Variants in ZNF33A observed in about 807,000 individuals in gnomAD.
The protein encoded by ZNF33A is brain my041 protein.
In ZNF33A, 9 loss-of-function variants were observed where a neutral mutation model predicts 15.9. That is an observed-to-expected ratio of 0.57 (90% CI 0.34 to 0.99). The LOEUF is 0.99. Ranked by LOEUF, ZNF33A falls within the 50% of genes least tolerant of loss-of-function variation. ZNF33A has a pLI of 0.02. For missense variants in ZNF33A, 843 were observed against 941.6 expected (o/e 0.90, Z 1.37); for synonymous variants, 294 against 324.2 (o/e 0.91, Z 1.00).
At position 38,055,468 on chromosome 10, in the gene ZNF33A, ATCC is replaced by A. The variant is rs1389182710; in HGVS notation, c.1346_1348del (p.Ser449del). 6.2e-7 allele frequency: 1 copy of A among 1,614,044 alleles called. No individual in the cohort carries two copies. The highest frequency in any genetic ancestry group is 1.1e-5 in the South Asian group (1 of 91,074). The stretch of plus-strand genomic sequence containing the variant: ...CCTATGAATGTTATGAATGTGGAAA[ATCC>A]TTCCGTGTGACTTCGCACCTTAAAG... On this transcript the variant is annotated inframe_deletion, in exon 5 of 5. Transcript: ENST00000432900.
At chr10:38,041,224 A>G (rs1274660597) in intron 4 of ZNF33A, among the ~76,000 whole-genome samples, 1 of 152,112 alleles carries the variant, frequency 6.6e-6, no homozygotes, top group African/African-American at 2.4e-5. Flanking sequence ...CCATCAGCAG[A>G]ATAGCACCCA....
chr10:38,023,126 A>C (rs12768276), intron 4 of ZNF33A, among the ~76,000 whole-genome samples: 15,732 of 152,074 alleles, frequency 0.1, 994 homozygotes, highest in Admixed American at 0.18. Context: ...CTGTATTTTT[A>C]GTAGAGACGG....
downstream of ZNF33A, among the ~76,000 whole-genome samples, chr10:38,063,584 C>T (rs1429528722): frequency 6.6e-6 from 1 of 152,156 alleles, no homozygotes; most frequent in African/African-American, 2.4e-5. Flanking sequence ...GGGAGGATTA[C>T]ATGTGAACAC....
chr10:38,010,542 C>A, upstream of ZNF33A: 1 of 727,882 alleles, frequency 1.4e-6, no homozygotes, highest in Non-Finnish European at 2.4e-6. Flanking sequence ...CACTGCCTAG[C>A]GGGGCACTTC....
At chr10:38,060,688 G>C (rs552887486), downstream of ZNF33A, among the ~76,000 whole-genome samples, 4 of 152,156 alleles carry the variant, frequency 2.6e-5, no homozygotes, top group Non-Finnish European at 5.9e-5. Context: ...ACAACCATTG[G>C]CATAAACAGG....
At chr10:38,017,902 C>T (rs1019832862) in intron 4 of ZNF33A, among the ~76,000 whole-genome samples, 1 of 152,164 alleles carries the variant, frequency 6.6e-6, no homozygotes, top group Non-Finnish European at 1.5e-5. Context: ...CCACAACAGC[C>T]TGGCCAACAT....
At chr10:38,012,468 G>C in intron 2 of ZNF33A, 118 bp downstream of exon 2, 1 of 1,190,106 alleles carries the variant, frequency 8.4e-7, no homozygotes, top group South Asian at 1.4e-5. Flanking sequence ...GTCTCACTCT[G>C]TCACCCAGGC....
At chr10:38,061,611 A>G (rs1161506504), downstream of ZNF33A, among the ~76,000 whole-genome samples, 5 of 152,066 alleles carry the variant, frequency 3.3e-5, no homozygotes, top group Non-Finnish European at 7.4e-5. Flanking sequence ...TGTGACATCC[A>G]ATATGCTTTG....
At chr10:38,032,354 A>G (rs961031782) in intron 4 of ZNF33A, among the ~76,000 whole-genome samples, 72 of 152,318 alleles carry the variant, frequency 4.7e-4, no homozygotes, top group African/African-American at 1.7e-3. Context: ...TATATGAGAT[A>G]TAATTCACAT....
At chr10:38,036,240 G>A (rs895986540) in intron 4 of ZNF33A, among the ~76,000 whole-genome samples, 2 of 152,116 alleles carry the variant, frequency 1.3e-5, no homozygotes, top group African/African-American at 4.8e-5. Flanking sequence ...AGGAGTTTGA[G>A]ACCAGCCTGG....
At chr10:38,031,846 C>T (rs1032917474) in intron 4 of ZNF33A, among the ~76,000 whole-genome samples, 1 of 151,948 alleles carries the variant, frequency 6.6e-6, no homozygotes, top group African/African-American at 2.4e-5. Context: ...TCCTGTAGTC[C>T]CAGCTACTCG....
At chr10:38,035,193 C>T (rs539170187) in intron 4 of ZNF33A, among the ~76,000 whole-genome samples, 26 of 142,170 alleles carry the variant, frequency 1.8e-4, no homozygotes, top group African/African-American at 6.0e-4. Flanking sequence ...TCTCAGCTCA[C>T]GGCAACCTCC....
Position 38,055,090 on chromosome 10 carries a change from T to C in ZNF33A, c.966T>C (p.Gly322=). The C allele has an allele frequency of 6.2e-7, 1 of 1,614,034 alleles. No individual in the cohort carries two copies. The highest frequency in any genetic ancestry group is 8.5e-7 in the Non-Finnish European group (1 of 1,179,982). The change falls in exon 5 of 5, where the codon GGT becomes GGC. Residue 322 remains glycine, a synonymous_variant. Coordinates refer to ENST00000432900, the MANE Select transcript of ZNF33A (RefSeq NM_006954.2). ...RKLCLSHLQK[G]DKGEKHFECN... is the part of the protein sequence containing the mutation. ...TGTGTCTGTCACACCTTCAGAAAGG[T>C]GATAAAGGAGAGAAACACTTTGAAT...
chr10:38,014,642 A>G lies in ZNF33A; in HGVS notation c.10-2229A>G, dbSNP rs577135699. Among the ~76,000 whole-genome samples, 14 of 152,298 alleles carry G rather than the reference A, an allele frequency of 9.2e-5. No individual in the cohort carries two copies. The East Asian group carries it at 1.9e-3, about 21-fold the overall frequency. ...TTTTACATTGTGATATTTGTCATCA[A>G]TTATGTGTACATATATGTCTGTGTG... On this transcript the variant is annotated intron_variant, in intron 2 of 4. Coordinates refer to ENST00000432900, the MANE Select transcript of ZNF33A (RefSeq NM_006954.2).
intron 4 of ZNF33A, among the ~76,000 whole-genome samples, chr10:38,017,920 C>A (rs972757657): frequency 6.6e-6 from 1 of 152,092 alleles, no homozygotes; most frequent in African/African-American, 2.4e-5. Flanking sequence ...CATGGTGAAA[C>A]CCCGTCTGTA....
rs755622015 is a variant in ZNF33A at position 38,044,753 on chromosome 10, C to T, written c.251-9622C>T. Among the ~76,000 whole-genome samples, 17 of 151,482 alleles carry T rather than the reference C, an allele frequency of 1.1e-4. 1 individual carries two copies. The highest frequency in any genetic ancestry group is 5.3e-4 in the Admixed American group (8 of 15,202). ...CATGATCTCAGCTCACTGCAACCTC[C>T]GCCTCCCAGGTTCAAGTCATTCTCT... On this transcript the variant is annotated intron_variant, in intron 4 of 4. Transcript: ENST00000432900.
chr10:38,033,468 T>C (rs1213913849), intron 4 of ZNF33A, among the ~76,000 whole-genome samples: 1 of 152,196 alleles, frequency 6.6e-6, no homozygotes, highest in East Asian at 1.9e-4. Context: ...TTCAGATATA[T>C]ACCTAGAAGT....
intron 4 of ZNF33A, among the ~76,000 whole-genome samples, chr10:38,049,053 T>C (rs2066081716): frequency 1.3e-5 from 2 of 152,096 alleles, no homozygotes; most frequent in Admixed American, 1.3e-4. Context: ...TGTAAAAGGA[T>C]TGAAGTCATA....
At position 38,010,736 on chromosome 10, in the gene ZNF33A, G is replaced by A. The variant is rs1227020391; in HGVS notation, c.-92G>A. 7.5e-6 allele frequency: 12 copies of A among 1,598,440 alleles called. No individual in the cohort carries two copies. The highest frequency in any genetic ancestry group is 1.0e-5 in the Non-Finnish European group (12 of 1,179,810). On this transcript the variant is annotated 5_prime_UTR_variant, in exon 1 of 5. Transcript: ENST00000432900. ...GTGGGAGGCGGTCCCGGGATTTCAA[G>A]GGTCTACGCGCTTTTCTATGGCGAA... is the stretch of plus-strand genomic sequence containing the variant.
Sources: gnomAD v4.1 joint callset for allele counts (sites outside exome capture counted in the v4.1 genomes callset) on GRCh38, gnomAD v4.1.1 for gene constraint, MANE v1.5 for transcripts, NCBI Gene and HGNC (gene_info 2026-07-23, HGNC 2026-07-21) for gene names.